PAK5: variants seen among roughly 807,000 people sequenced by gnomAD.
The protein encoded by PAK5 is serine/threonine-protein kinase PAK 5.
A neutral mutation model predicts 65.9 loss-of-function variants in PAK5; 16 were observed. The observed-to-expected ratio is 0.24, with a 90% CI of 0.16 to 0.37. The LOEUF (loss-of-function observed/expected upper bound fraction) is 0.37. Ranked by LOEUF, PAK5 falls within the 10% of genes least tolerant of loss-of-function variation. The pLI, the probability that PAK5 is intolerant of heterozygous loss-of-function variation, is 1.00. For missense variants in PAK5, 785 were observed against 903.9 expected (o/e 0.87, Z 1.69); for synonymous variants, 371 against 354.9 (o/e 1.05, Z -0.51).
At chr20:9,576,530 T>C (rs941335882) in intron 4 of PAK5, among the ~76,000 whole-genome samples, 2 of 152,122 alleles carry the variant, frequency 1.3e-5, no homozygotes, top group Non-Finnish European at 2.9e-5. Context: ...AGGTCCAAAA[T>C]GTTCATAGTG....
chr20:9,761,589 C>T (rs953860839), intron 1 of PAK5, among the ~76,000 whole-genome samples: 4 of 151,954 alleles, frequency 2.6e-5, no homozygotes, highest in African/African-American at 9.7e-5. Flanking sequence ...ATAGCCAAAC[C>T]GATTTTGAGC....
chr20:9,819,615 G>A (rs1022390597), intron 1 of PAK5, among the ~76,000 whole-genome samples: 8 of 151,630 alleles, frequency 5.3e-5, no homozygotes, highest in Non-Finnish European at 1.2e-4. Context: ...TCTGATAATG[G>A]CCTCCTGATA....
intron 1 of PAK5, among the ~76,000 whole-genome samples, chr20:9,752,614 A>G (rs2048589404): frequency 1.3e-5 from 2 of 152,184 alleles, no homozygotes; most frequent in South Asian, 2.1e-4. Context: ...AATATCACAC[A>G]TAGCCCATAA....
intron 3 of PAK5, among the ~76,000 whole-genome samples, chr20:9,599,539 A>C (rs6039521): frequency 0.32 from 48,913 of 152,102 alleles, 10,714 homozygotes; most frequent in African/African-American, 0.6. Context: ...ATATTATTTT[A>C]ATCATAGCCA....
chr20:9,616,496 T>C (rs535204923), intron 3 of PAK5, among the ~76,000 whole-genome samples: 1 of 152,322 alleles, frequency 6.6e-6, no homozygotes, highest in Non-Finnish European at 1.5e-5. Flanking sequence ...GTGTTCTCTA[T>C]GGTAGGGTTT....
At chr20:9,830,536 G>T (rs1978630421) in intron 1 of PAK5, among the ~76,000 whole-genome samples, 1 of 152,190 alleles carries the variant, frequency 6.6e-6, no homozygotes. Flanking sequence ...AGAAAAGAAG[G>T]CTAGACCTGT....
chr20:9,610,557 C>T (rs6056750), intron 3 of PAK5, among the ~76,000 whole-genome samples: 79,566 of 152,088 alleles, frequency 0.52, 22,925 homozygotes, highest in African/African-American at 0.78. Context: ...GTACCTGATG[C>T]TTGAATTAAC....
At chr20:9,773,842 TA>T (rs2048859259) in intron 1 of PAK5, among the ~76,000 whole-genome samples, 1 of 152,208 alleles carries the variant, frequency 6.6e-6, no homozygotes, top group Non-Finnish European at 1.5e-5. Flanking sequence ...GAGGTGAGTC[TA>T]AGGTAAAGTA....
At chr20:9,669,940 C>T (rs955417172) in intron 2 of PAK5, among the ~76,000 whole-genome samples, 3 of 151,806 alleles carry the variant, frequency 2.0e-5, no homozygotes, top group African/African-American at 7.3e-5. Context: ...CACCCCACAA[C>T]AGTCCCCAGA....
At chr20:9,585,551 C>A (rs1406703733) in intron 3 of PAK5, among the ~76,000 whole-genome samples, 1 of 152,174 alleles carries the variant, frequency 6.6e-6, no homozygotes, top group African/African-American at 2.4e-5. Context: ...AAATTAGTTG[C>A]TGAATGTACG....
chr20:9,684,527 T>C (rs2047692584), intron 2 of PAK5, among the ~76,000 whole-genome samples: 1 of 152,228 alleles, frequency 6.6e-6, no homozygotes, highest in Admixed American at 6.5e-5. Flanking sequence ...TTCTTTATTA[T>C]GAAGCATGTG....
At chr20:9,837,219 A>C (rs1463354344) in intron 1 of PAK5, among the ~76,000 whole-genome samples, 1 of 152,250 alleles carries the variant, frequency 6.6e-6, no homozygotes, top group Non-Finnish European at 1.5e-5. Flanking sequence ...TTAGCAGTGC[A>C]TCTGCCTTGC....
chr20:9,673,523 G>A (rs537140554), intron 2 of PAK5, among the ~76,000 whole-genome samples: 106 of 152,218 alleles, frequency 7.0e-4, no homozygotes, highest in Middle Eastern at 3.4e-3. Context: ...ATAACCACAT[G>A]TGGCTAGTAA....
intron 1 of PAK5, among the ~76,000 whole-genome samples, chr20:9,799,939 C>CAAAAAAAAAAAAAAAAAAAAAAAAAA (rs71331383): frequency 6.9e-5 from 3 of 43,660 alleles, no homozygotes; most frequent in Non-Finnish European, 1.4e-4. Flanking sequence ...ACTCTGTCTC[C>CAAAAAAAAAAAAAAAAAAAAAAAAAA]AAAAAAAAAA....
At chr20:9,728,853 C>T (rs575081945) in intron 1 of PAK5, among the ~76,000 whole-genome samples, 7 of 151,904 alleles carry the variant, frequency 4.6e-5, no homozygotes, top group South Asian at 2.1e-4. Flanking sequence ...ACTACAATAG[C>T]GGAATTAAGT....
At chr20:9,817,185 T>C (rs1370287150) in intron 1 of PAK5, among the ~76,000 whole-genome samples, 4 of 152,146 alleles carry the variant, frequency 2.6e-5, no homozygotes, top group Admixed American at 6.5e-5. Context: ...ACACTCAACA[T>C]TATAACAGTT....
chr20:9,649,788 A>G (rs1255962812), intron 2 of PAK5, among the ~76,000 whole-genome samples: 1 of 152,334 alleles, frequency 6.6e-6, no homozygotes, highest in South Asian at 2.1e-4. Context: ...ATATTCATCT[A>G]GGATGAACTG....
chr20:9,562,816 T>C, intron 6 of PAK5, 75 bp downstream of exon 6: 2 of 1,383,178 alleles, frequency 1.4e-6, no homozygotes, highest in Admixed American at 2.0e-5. Context: ...TTATGAAGAG[T>C]TCATAGTCAC....
At chr20:9,788,570 G>A (rs2049017054) in intron 1 of PAK5, among the ~76,000 whole-genome samples, 1 of 143,642 alleles carries the variant, frequency 7.0e-6, no homozygotes, top group African/African-American at 2.6e-5. Flanking sequence ...CAGATGAAGA[G>A]CAGAGATACA....
Sources: allele counts gnomAD v4.1 joint callset (sites outside exome capture counted in the v4.1 genomes callset), GRCh38; gene constraint gnomAD v4.1.1; transcripts MANE v1.5; gene names NCBI Gene and HGNC (gene_info 2026-07-23, HGNC 2026-07-21).